LIMCH1: variants seen among roughly 807,000 people sequenced by gnomAD.
LIMCH1 encodes LIM and calponin homology domains 1, also known as LIM and calponin homology domains-containing protein 1.
In LIMCH1, 113 loss-of-function variants were observed where a neutral mutation model predicts 176.5. The observed-to-expected ratio is 0.64, with a 90% CI of 0.55 to 0.75. LIMCH1 has a LOEUF of 0.75. LIMCH1 is among the 30% of genes least tolerant of loss of function. LIMCH1 has a pLI of 0.00. For missense variants in LIMCH1, 1,674 were observed against 1,814.9 expected (o/e 0.92, Z 1.41); for synonymous variants, 619 against 645.9 (o/e 0.96, Z 0.63).
chr4:41,530,102 A>AT (rs2077099336), intron 3 of LIMCH1, among the ~76,000 whole-genome samples: 1 of 152,242 alleles, frequency 6.6e-6, no homozygotes, highest in Admixed American at 6.5e-5. Flanking sequence ...GAAAACTGAC[A>AT]TCAGAACAGT....
chr4:41,445,963 A>G (rs2063237275), intron 1 of LIMCH1, among the ~76,000 whole-genome samples: 1 of 152,186 alleles, frequency 6.6e-6, no homozygotes, highest in African/African-American at 2.4e-5. Context: ...GTTCCTAGAG[A>G]ATTGAAATTG....
chr4:41,383,792 G>T (rs2056076113), intron 1 of LIMCH1, among the ~76,000 whole-genome samples: 1 of 152,156 alleles, frequency 6.6e-6, no homozygotes, highest in Non-Finnish European at 1.5e-5. Flanking sequence ...TGATTCTGGT[G>T]TGTGACCAGG....
At chr4:41,400,880 A>G (rs911952639) in intron 1 of LIMCH1, among the ~76,000 whole-genome samples, 3 of 152,180 alleles carry the variant, frequency 2.0e-5, no homozygotes, top group Non-Finnish European at 4.4e-5. Context: ...TTGTTTTATT[A>G]AAAAAGACCT....
At position 41,697,273 on chromosome 4, in the gene LIMCH1, C is replaced by A; in HGVS notation, c.*88C>A. On this transcript the variant is annotated 3_prime_UTR_variant, in exon 32 of 32. Transcript: ENST00000503057. ...CTTAACAAAATCCCAAGCTCAGGGG[C>A]TTCTCAGCATTTACCTAATTTCTGA... 1 of 1,220,294 alleles carries A rather than the reference C, an allele frequency of 8.2e-7. No homozygotes were observed. The highest frequency in any genetic ancestry group is 1.2e-6 in the Non-Finnish European group (1 of 827,376). 75.6% of individuals were successfully genotyped at this position (1,220,294 alleles called of 1,614,324 possible).
At chr4:41,467,944 A>G (rs530844043) in intron 1 of LIMCH1, among the ~76,000 whole-genome samples, 2 of 152,154 alleles carry the variant, frequency 1.3e-5, no homozygotes, top group African/African-American at 4.8e-5. Flanking sequence ...ACATATCAGA[A>G]TTCAAAAGAC....
Position 41,635,067 on chromosome 4 carries a change from A to G in LIMCH1, c.2090+1259A>G, listed in dbSNP as rs184564554. Among the ~76,000 whole-genome samples, 771 of 152,300 alleles carry G rather than the reference A, an allele frequency of 5.1e-3. 7 individuals are homozygous for G. The highest frequency in any genetic ancestry group is 0.017 in the African/African-American group (712 of 41,558). On this transcript the variant is annotated intron_variant, in intron 13 of 31. Transcript: ENST00000503057. Reference sequence around the variant, plus strand: ...ACTACCTTTGAGAGGAAGAATTTTCATCTGCATTTTGCAGTTAGGAAACTG... The same window carrying G: ...ACTACCTTTGAGAGGAAGAATTTTCGTCTGCATTTTGCAGTTAGGAAACTG...
intron 30 of LIMCH1, among the ~76,000 whole-genome samples, chr4:41,691,759 T>C (rs1313646115): frequency 6.6e-6 from 1 of 152,124 alleles, no homozygotes; most frequent in Non-Finnish European, 1.5e-5. Context: ...CGAGACACTG[T>C]CTTAAAAAAT....
At chr4:41,656,724 G>C (rs2152963818) in intron 18 of LIMCH1, among the ~76,000 whole-genome samples, 1 of 152,204 alleles carries the variant, frequency 6.6e-6, no homozygotes, top group Middle Eastern at 3.4e-3. Flanking sequence ...TTCCAGGCTT[G>C]TGTCCAGATA....
At chr4:41,438,493 G>A (rs758717086) in intron 1 of LIMCH1, among the ~76,000 whole-genome samples, 1 of 151,246 alleles carries the variant, frequency 6.6e-6, no homozygotes, top group African/African-American at 2.4e-5. Context: ...CTCCCGCCAC[G>A]ACACCTGGCT....
intron 1 of LIMCH1, among the ~76,000 whole-genome samples, chr4:41,398,175 CTT>C (rs11412751): frequency 2.1e-5 from 3 of 141,012 alleles, no homozygotes; most frequent in African/African-American, 5.1e-5. Context: ...TAAGAGTTTT[CTT>C]TTTTTTTTTT....
At chr4:41,522,340 A>G (rs1371588349) in intron 2 of LIMCH1, among the ~76,000 whole-genome samples, 1 of 152,154 alleles carries the variant, frequency 6.6e-6, no homozygotes, top group East Asian at 1.9e-4. Context: ...TATGCTACAC[A>G]TATATATTTT....
chr4:41,551,156 T>C (rs1561718521), intron 1 of LIMCH1: 1 of 152,210 alleles, frequency 6.6e-6, no homozygotes, highest in African/African-American at 2.4e-5. Context: ...GAGAAGTAAG[T>C]TTCTAAAGTC....
intron 1 of LIMCH1, among the ~76,000 whole-genome samples, chr4:41,457,338 A>G (rs2064737978): frequency 6.6e-6 from 1 of 151,936 alleles, no homozygotes; most frequent in Non-Finnish European, 1.5e-5. Context: ...CCTTGAGGAG[A>G]ATTATGGATT....
intron 2 of LIMCH1, among the ~76,000 whole-genome samples, chr4:41,508,130 A>G (rs910121328): frequency 2.6e-5 from 4 of 152,132 alleles, no homozygotes; most frequent in African/African-American, 9.7e-5. Flanking sequence ...AAGGTAGAAA[A>G]CCAGTGGGGC....
intron 1 of LIMCH1, among the ~76,000 whole-genome samples, chr4:41,450,942 A>G (rs925049562): frequency 2.0e-5 from 3 of 152,106 alleles, no homozygotes; most frequent in Non-Finnish European, 2.9e-5. Context: ...TATATGGGTC[A>G]TCATAGAGGA....
At chr4:41,660,857 A>C (rs962526290) in intron 18 of LIMCH1, among the ~76,000 whole-genome samples, 1 of 152,214 alleles carries the variant, frequency 6.6e-6, no homozygotes, top group African/African-American at 2.4e-5. Context: ...TATTTTGATG[A>C]AAAGGAGTAA....
At chr4:41,370,916 G>A (rs536239960) in intron 1 of LIMCH1, among the ~76,000 whole-genome samples, 1 of 152,310 alleles carries the variant, frequency 6.6e-6, no homozygotes, top group South Asian at 2.1e-4. Context: ...ATGGAAGCAC[G>A]GAAATGGTAA....
At chr4:41,591,006 G>A (rs963445655) in intron 1 of LIMCH1, among the ~76,000 whole-genome samples, 3 of 152,114 alleles carry the variant, frequency 2.0e-5, no homozygotes, top group Admixed American at 6.5e-5. Flanking sequence ...TTGCATTTCT[G>A]TTAAAGGGAG....
intron 9 of LIMCH1, among the ~76,000 whole-genome samples, chr4:41,630,511 A>G (rs886578742): frequency 2.0e-5 from 3 of 152,200 alleles, no homozygotes; most frequent in Non-Finnish European, 4.4e-5. Context: ...ACAGTACCTA[A>G]GATTTTCTTA....
Sources: gnomAD v4.1 joint callset for allele counts (sites outside exome capture counted in the v4.1 genomes callset) on GRCh38, gnomAD v4.1.1 for gene constraint, MANE v1.5 for transcripts, NCBI Gene and HGNC (gene_info 2026-07-23, HGNC 2026-07-21) for gene names.